RUNX3: variants seen among roughly 807,000 people sequenced by gnomAD.
The protein encoded by RUNX3 is runt-related transcription factor 3.
Under a neutral mutation model 27.7 loss-of-function variants are expected in RUNX3, and 10 were observed. That is an observed-to-expected ratio of 0.36 (90% confidence interval 0.22 to 0.61). The LOEUF (loss-of-function observed/expected upper bound fraction) is 0.61. Among genes scored for constraint, RUNX3 ranks in the 20% least tolerant of loss-of-function variants. The probability of loss-of-function intolerance (pLI) is 0.72; values close to 1 mark genes in which losing one functional copy is unlikely to be tolerated. For synonymous variants in RUNX3, 270 were observed against 269.2 expected, an observed-to-expected ratio of 1.00 and a Z score of -0.03; for missense variants, 469 against 629.5, an observed-to-expected ratio of 0.75 and a Z score of 2.73.
At chr1:24,907,823 T>C (rs113166374) in intron 3 of RUNX3, among the ~76,000 whole-genome samples, 36 of 133,568 alleles carry the variant, frequency 2.7e-4, no homozygotes, top group African/African-American at 5.8e-4. Context: ...CACGGTGATC[T>C]AAACCTCTAC....
At chr1:24,934,224 C>T (rs954729986), upstream of RUNX3, among the ~76,000 whole-genome samples, 1 of 152,110 alleles carries the variant, frequency 6.6e-6, no homozygotes, top group African/African-American at 2.4e-5. Context: ...TGAAAAATGG[C>T]AATATATCTG....
At chr1:24,947,950 C>T (rs867152930) in intron 2 of RUNX3, among the ~76,000 whole-genome samples, 10 of 152,226 alleles carry the variant, frequency 6.6e-5, no homozygotes, top group African/African-American at 2.4e-4. Flanking sequence ...CCTGGGGTGA[C>T]CTGGGGAGGC....
Position 24,919,351 on chromosome 1 carries a change from A to G in RUNX3, c.440-7T>C, listed in dbSNP as rs1476791035. 6.2e-7 allele frequency: 1 copy of G among 1,601,298 alleles called. No individual in the cohort carries two copies. The highest frequency in any genetic ancestry group is 1.7e-5 in the Admixed American group (1 of 59,706). On this transcript the variant is annotated splice_region_variant and splice_polypyrimidine_tract_variant and intron_variant, in intron 2 of 4. Transcript: ENST00000308873. ...GTCAGGGTGAAACTCTTCCCTGGGG[A>G]GAGTGGGGAATAGAGGCAGGTGGTT...
In RUNX3 at chr1:24,902,615, A is replaced by C; in HGVS notation, c.755T>G (p.Phe252Cys). 1 of 1,536,654 alleles carries C rather than the reference A, an allele frequency of 6.5e-7. No homozygotes were observed. The highest frequency in any genetic ancestry group is 8.8e-7 in the Non-Finnish European group (1 of 1,138,390). Residue 252 changes from phenylalanine (F) to cysteine (C), a missense_variant, in exon 5 of 5, where the codon TTC (phenylalanine) becomes TGC (cysteine). Transcript: ENST00000308873. The surrounding 1 kb of genome is among the most constrained non-coding windows in gnomAD (Gnocchi z 9.2). ...CTCCGTGAGGGTTGGCAGCGTGGGG[A>C]AGGAGCGGTCAAACTGGCGGGGGTC... The part of the protein sequence containing the change: ...FSDPRQFDRS[F>C]PTLPTLTESR...
intron 2 of RUNX3, among the ~76,000 whole-genome samples, chr1:24,938,487 C>T (rs570320212): frequency 6.6e-6 from 1 of 152,266 alleles, no homozygotes; most frequent in East Asian, 1.9e-4. Context: ...GAGGATCTGG[C>T]CTCAGCATCA....
intron 1 of RUNX3, chr1:24,929,127 C>T (rs752093628): frequency 6.5e-6 from 3 of 461,836 alleles, no homozygotes; most frequent in South Asian, 4.6e-5. Flanking sequence ...ATTTCGGAAG[C>T]CCGAGGGTGT....
Position 24,947,263 on chromosome 1 carries a change from G to T in RUNX3, c.58+17251C>A, listed in dbSNP as rs573747849. Among the ~76,000 whole-genome samples the T allele has an allele frequency of 7.2e-5, 11 of 152,308 alleles. No homozygotes were observed. In the South Asian group the frequency reaches 2.1e-3, roughly 29 times the overall value. On this transcript the variant is annotated intron_variant, in intron 2 of 6. Transcript: ENST00000338888. ...ACCTGGCTGCCTGCTACCCAATGGG[G>T]CAAAGTCCCAGCACTACCCCGAAAC... is the stretch of plus-strand genomic sequence containing the variant.
chr1:24,924,822 A>C (rs948143355), intron 2 of RUNX3, among the ~76,000 whole-genome samples: 1 of 152,220 alleles, frequency 6.6e-6, no homozygotes, highest in Non-Finnish European at 1.5e-5. Context: ...ATGTATTGTA[A>C]GAAAGGCTCC....
At chr1:24,935,131 G>A (rs775568704), upstream of RUNX3, among the ~76,000 whole-genome samples, 1 of 152,174 alleles carries the variant, frequency 6.6e-6, no homozygotes, top group Non-Finnish European at 1.5e-5. Context: ...CAAGCACCTC[G>A]AGGCAAAACG....
intron 2 of RUNX3, among the ~76,000 whole-genome samples, chr1:24,946,080 T>C (rs1435479478): frequency 1.3e-5 from 2 of 152,174 alleles, no homozygotes; most frequent in Non-Finnish European, 2.9e-5. Context: ...AGTGAGTGAA[T>C]GAATGGCTGA....
chr1:24,902,328 C>A lies in RUNX3; in HGVS notation c.1042G>T (p.Gly348Cys). ...GAGCGGTCGCCCCCACTGCTGCTGC[C>A]GGCCACCATGGAGAACTGGTAGGAG... ...SGSYQFSMVA[G>C]SSSGGDRSPT... Residue 348 changes from glycine to cysteine, a missense_variant, in exon 5 of 5, where the codon GGC (glycine) becomes TGC (cysteine). Around this residue, in one of 3 missense-constraint regions of RUNX3, gnomAD observed 279 missense variants for 343.0 expected, o/e 0.81. Coordinates refer to ENST00000308873, the MANE Select transcript of RUNX3 (RefSeq NM_004350.3). This position sits in a 1 kb window ranked among gnomAD's most constrained non-coding sequence, Gnocchi z 9.2. The A allele has an allele frequency of 6.2e-7, 1 of 1,610,222 alleles. No homozygotes were observed. Among genetic ancestry groups the A allele is most frequent in the Non-Finnish European group, 8.5e-7 (1 of 1,179,372 alleles).
At chr1:24,925,263 C>T (rs1334278954) in intron 2 of RUNX3, among the ~76,000 whole-genome samples, 1 of 152,166 alleles carries the variant, frequency 6.6e-6, no homozygotes, top group African/African-American at 2.4e-5. Context: ...TCCTTCCTCC[C>T]TGCCAACCGC....
chr1:24,963,335 G>C (rs576770989), intron 2 of RUNX3, among the ~76,000 whole-genome samples: 172 of 150,926 alleles, frequency 1.1e-3, no homozygotes, highest in Non-Finnish European at 2.3e-3. Context: ...GCCAGCGGCA[G>C]GGCAGGCCAA....
chr1:24,935,322 T>C (rs1284649118), intron 2 of RUNX3, among the ~76,000 whole-genome samples: 2 of 152,160 alleles, frequency 1.3e-5, no homozygotes, highest in South Asian at 4.2e-4. Context: ...CCCCTCTACA[T>C]GCCATGCGGG....
At chr1:24,914,153 C>T (rs915679909) in intron 3 of RUNX3, among the ~76,000 whole-genome samples, 3 of 152,216 alleles carry the variant, frequency 2.0e-5, no homozygotes, top group South Asian at 2.1e-4. Flanking sequence ...GTCACCTGGC[C>T]GTAAGGTCCA....
intron 2 of RUNX3, among the ~76,000 whole-genome samples, chr1:24,945,449 T>C (rs983566373): frequency 6.6e-6 from 1 of 152,116 alleles, no homozygotes; most frequent in Non-Finnish European, 1.5e-5. Context: ...TCATAGCAAA[T>C]GATAAAAGCA....
At chr1:24,936,697 G>A (rs958207792) in intron 2 of RUNX3, among the ~76,000 whole-genome samples, 2 of 152,114 alleles carry the variant, frequency 1.3e-5, no homozygotes, top group Admixed American at 6.5e-5. Context: ...TCTCCCCACT[G>A]CCCACCCAGC....
Position 24,929,767 on chromosome 1 carries a change from G to T in RUNX3, c.102C>A (p.Gly34=). The change falls in exon 1 of 5, where the codon GGC becomes GGA. Residue 34 remains glycine (G), a synonymous_variant. Coordinates refer to ENST00000308873, the MANE Select transcript of RUNX3 (RefSeq NM_004350.3). ...GGGGKMGENS[G]ALSAQAAVGP... is the part of the protein sequence containing the mutation. Reference sequence around the variant, plus strand: ...CCACGGCCGCCTGCGCGCTCAGCGCGCCGCTGTTCTCGCCCATCTTGCCGC... The same window carrying T: ...CCACGGCCGCCTGCGCGCTCAGCGCTCCGCTGTTCTCGCCCATCTTGCCGC... 1 of 1,461,150 alleles carries T rather than the reference G, an allele frequency of 6.8e-7. No homozygotes were observed. The highest frequency in any genetic ancestry group is 9.0e-7 in the Non-Finnish European group (1 of 1,115,852). The allele number at this position is 1,461,150 out of a possible 1,614,324, so 90.5% of individuals were successfully genotyped here. A position where few individuals can be genotyped will look rare whatever the true frequency, so the allele number is the denominator to read the frequency against.
chr1:24,946,831 G>A (rs575621388), intron 2 of RUNX3, among the ~76,000 whole-genome samples: 15 of 152,260 alleles, frequency 9.9e-5, no homozygotes, highest in Admixed American at 3.3e-4. Context: ...GCAGAAAGCC[G>A]GGGGCAGTAT....
Sources: allele counts gnomAD v4.1 joint callset (sites outside exome capture counted in the v4.1 genomes callset), GRCh38; gene constraint gnomAD v4.1.1; regional missense constraint gnomAD v4.1.1; non-coding constraint Gnocchi (gnomAD v3.1); transcripts MANE v1.5; gene names NCBI Gene and HGNC (gene_info 2026-07-23, HGNC 2026-07-21).